ANO3: variants seen among roughly 807,000 people sequenced by gnomAD.
ANO3 encodes anoctamin 3, also known as anoctamin-3.
ANO3 carries 99 observed loss-of-function variants against 144.8 expected under a neutral mutation model. The ratio of observed to expected loss-of-function variants is 0.68; its 90% confidence interval spans 0.58 to 0.81. The LOEUF (loss-of-function observed/expected upper bound fraction) is 0.81. Among genes scored for constraint, ANO3 ranks in the 30% least tolerant of loss-of-function variants. The pLI is 0.00. For synonymous variants in ANO3, 414 were observed against 392.6 expected, an observed-to-expected ratio of 1.05 and a Z score of -0.64; for missense variants, 905 against 1,202.2, an observed-to-expected ratio of 0.75 and a Z score of 3.66.
chr11:26,425,037 C>G (rs867204975), intron 1 of ANO3, among the ~76,000 whole-genome samples: 3 of 151,824 alleles, frequency 2.0e-5, no homozygotes, highest in African/African-American at 4.8e-5. Context: ...TCCCTCCCCC[C>G]CACCCCACAA....
At chr11:26,259,675 A>G (rs886611201) in intron 1 of ANO3, among the ~76,000 whole-genome samples, 7 of 151,918 alleles carry the variant, frequency 4.6e-5, no homozygotes, top group Non-Finnish European at 7.4e-5. Context: ...AAAAAAAAAA[A>G]GTTATAAAAG....
chr11:26,556,940 G>A (rs1850098748), intron 13 of ANO3, among the ~76,000 whole-genome samples: 1 of 152,072 alleles, frequency 6.6e-6, no homozygotes. Context: ...AACCTATAAA[G>A]CAACTTTAGA....
At chr11:26,566,131 TC>T (rs917815379) in intron 14 of ANO3, among the ~76,000 whole-genome samples, 1 of 151,888 alleles carries the variant, frequency 6.6e-6, no homozygotes, top group Non-Finnish European at 1.5e-5. Context: ...TGCAAAAACT[TC>T]CTCAAGCCAC....
intron 1 of ANO3, among the ~76,000 whole-genome samples, chr11:26,217,609 T>C (rs898867434): frequency 6.6e-6 from 1 of 152,030 alleles, no homozygotes; most frequent in African/African-American, 2.4e-5. Flanking sequence ...ATAATGCATA[T>C]ACATAGGGGT....
At chr11:26,624,441 A>G (rs369243903) in intron 17 of ANO3, 21 bp from the exon 18 acceptor site, 33 of 1,568,476 alleles carry the variant, frequency 2.1e-5, no homozygotes, top group African/African-American at 1.9e-4. Context: ...AATGTTCACT[A>G]TGTATTCTCT....
intron 17 of ANO3, among the ~76,000 whole-genome samples, chr11:26,611,437 A>G (rs1852095190): frequency 6.6e-6 from 1 of 151,844 alleles, no homozygotes; most frequent in Non-Finnish European, 1.5e-5. Context: ...TTTCTTGTTT[A>G]TTTCTAGTTT....
chr11:26,610,261 T>C (rs1215891186), intron 17 of ANO3, among the ~76,000 whole-genome samples: 1 of 152,084 alleles, frequency 6.6e-6, no homozygotes, highest in Non-Finnish European at 1.5e-5. Context: ...AGTATGATCT[T>C]ATTGTGGTTT....
chr11:26,347,199 G>A (rs1243974367), intron 1 of ANO3, among the ~76,000 whole-genome samples: 4 of 152,156 alleles, frequency 2.6e-5, no homozygotes, highest in Admixed American at 1.3e-4. Flanking sequence ...AAAATAACAC[G>A]TGCTTCATAT....
At chr11:26,651,483 G>A (rs768868347) in intron 24 of ANO3, among the ~76,000 whole-genome samples, 7 of 152,014 alleles carry the variant, frequency 4.6e-5, no homozygotes, top group African/African-American at 1.2e-4. Flanking sequence ...GAACCTAGCC[G>A]TCTTCTGTTA....
Position 26,644,656 on chromosome 11 carries a change from GA to G in ANO3, c.2428+1323del, listed in dbSNP as rs1288288532. Among the ~76,000 whole-genome samples the G allele has an allele frequency of 2.6e-5, 4 of 152,228 alleles. No homozygotes were observed. In the South Asian group the frequency reaches 6.2e-4, roughly 24 times the overall value. On this transcript the variant is annotated intron_variant, in intron 23 of 26. Coordinates refer to ENST00000256737, the MANE Select transcript of ANO3 (RefSeq NM_031418.4). ...GTTGTTCTATCCTTGAGAATCTGAAGAGGAAAAAATTTGTTGTTCTATTTAC... is the reference window on the plus strand; with the variant it reads ...GTTGTTCTATCCTTGAGAATCTGAAGGGAAAAAATTTGTTGTTCTATTTAC...
intron 1 of ANO3, among the ~76,000 whole-genome samples, chr11:26,275,633 T>C (rs1407194684): frequency 1.3e-5 from 2 of 152,096 alleles, no homozygotes; most frequent in African/African-American, 2.4e-5. Flanking sequence ...AGTCATACTG[T>C]AGGTCAGAGG....
In ANO3 at chr11:26,660,838, C is replaced by G. The variant is rs543787419; in HGVS notation, c.*394C>G. ...GGCTTAAAATATCATGCAGTCTTCA[C>G]TCACATACTAATTTGACTTTGGAAA... On this transcript the variant is annotated 3_prime_UTR_variant, in exon 27 of 27. Coordinates refer to ENST00000256737, the MANE Select transcript of ANO3 (RefSeq NM_031418.4). 6.0e-6 allele frequency: 1 copy of G among 165,408 alleles called. No individual in the cohort carries two copies. Among genetic ancestry groups the G allele is most frequent in the African/African-American group, 2.4e-5 (1 of 41,754 alleles). The allele number at this position is 165,408 out of a possible 1,614,324, so 10.2% of individuals were successfully genotyped here. A position where few individuals can be genotyped will look rare whatever the true frequency, so the allele number is the denominator to read the frequency against.
At chr11:26,262,729 C>A (rs957960035) in intron 1 of ANO3, among the ~76,000 whole-genome samples, 5 of 151,848 alleles carry the variant, frequency 3.3e-5, no homozygotes, top group African/African-American at 1.2e-4. Context: ...AACACACACA[C>A]ACACACACAC....
intron 14 of ANO3, among the ~76,000 whole-genome samples, chr11:26,572,634 T>C (rs1850872673): frequency 6.6e-6 from 1 of 152,094 alleles, no homozygotes; most frequent in Non-Finnish European, 1.5e-5. Context: ...GAAAATGTAG[T>C]GGGGTCAGTA....
chr11:26,216,322 C>A (rs1306874136), intron 1 of ANO3, among the ~76,000 whole-genome samples: 1 of 151,928 alleles, frequency 6.6e-6, no homozygotes, highest in Non-Finnish European at 1.5e-5. Flanking sequence ...TAACCTCCCT[C>A]CTCCTGAAAC....
intron 3 of ANO3, among the ~76,000 whole-genome samples, chr11:26,457,599 A>G (rs1049069990): frequency 6.6e-6 from 1 of 152,080 alleles, no homozygotes; most frequent in Non-Finnish European, 1.5e-5. Context: ...ATTCTATGGG[A>G]ATATTTTATT....
At chr11:26,469,212 T>G (rs1412693068) in intron 4 of ANO3, among the ~76,000 whole-genome samples, 1 of 151,992 alleles carries the variant, frequency 6.6e-6, no homozygotes, top group Non-Finnish European at 1.5e-5. Context: ...TGGTGAAGAC[T>G]TGTTCTACAT....
At chr11:26,648,481 T>C (rs1590676085) in intron 24 of ANO3, among the ~76,000 whole-genome samples, 1 of 152,166 alleles carries the variant, frequency 6.6e-6, no homozygotes, top group African/African-American at 2.4e-5. Flanking sequence ...TCTTGTACAT[T>C]GCAGGATGTT....
At chr11:26,277,650 T>C (rs1225633248) in intron 1 of ANO3, among the ~76,000 whole-genome samples, 1 of 152,030 alleles carries the variant, frequency 6.6e-6, no homozygotes, top group Non-Finnish European at 1.5e-5. Context: ...CTGTTCCTTC[T>C]GCTTGAAATG....
Sources: gnomAD v4.1 joint callset for allele counts (sites outside exome capture counted in the v4.1 genomes callset) on GRCh38, gnomAD v4.1.1 for gene constraint, MANE v1.5 for transcripts, NCBI Gene and HGNC (gene_info 2026-07-23, HGNC 2026-07-21) for gene names.